Variants in NR4A1 observed in about 807,000 individuals in gnomAD.
NR4A1 encodes nuclear receptor subfamily 4 group A member 1, also known as nuclear receptor subfamily 4immunitygroup A member 1.
Under a neutral mutation model 47.5 loss-of-function variants are expected in NR4A1, and 24 were observed. The observed-to-expected ratio is 0.50, with a 90% CI of 0.37 to 0.71. The LOEUF (loss-of-function observed/expected upper bound fraction) is 0.71, where lower values mean the gene tolerates loss of function less well. Among genes scored for constraint, NR4A1 ranks in the 30% least tolerant of loss-of-function variants. The probability of loss-of-function intolerance (pLI) is 0.00; values close to 1 mark genes in which losing one functional copy is unlikely to be tolerated. For missense variants in NR4A1, 669 were observed against 788.6 expected (o/e 0.85, Z 1.82); for synonymous variants, 353 against 345.7 (o/e 1.02, Z -0.24).
At position 52,058,959 on chromosome 12, in the gene NR4A1, C is replaced by A. The variant is rs377130441; in HGVS notation, c.*15C>A. On this transcript the variant is annotated 3_prime_UTR_variant, in exon 7 of 7. Coordinates refer to ENST00000394825, the MANE Select transcript of NR4A1 (RefSeq NM_173157.3). Reference sequence around the variant, plus strand: ...TGCCCTTCTGACCCCTGCCTGGGAACACGTGTGCACATGCGCACTCTCATA... The same window carrying A: ...TGCCCTTCTGACCCCTGCCTGGGAAAACGTGTGCACATGCGCACTCTCATA... 6.9e-6 allele frequency: 11 copies of A among 1,602,318 alleles called. No individual in the cohort carries two copies. In the Admixed American group the frequency reaches 8.4e-5, roughly 12 times the overall value.
In NR4A1 at chr12:52,057,508, C is replaced by T. The variant is rs1357434310; in HGVS notation, c.1518C>T (p.Leu506=). 5 of 1,614,140 alleles carry T rather than the reference C, an allele frequency of 3.1e-6. No individual in the cohort carries two copies. Among genetic ancestry groups the T allele is most frequent in the Admixed American group, 1.7e-5 (1 of 60,026 alleles). ...TCGATGTCCCTGCCTTCGCCTGCCT[C>T]TCTGCCCTTGTCCTCATCACCGGTG... is the stretch of plus-strand genomic sequence containing the variant. ...LLVDVPAFAC[L]SALVLITDRH... Residue 506 remains leucine (L), a synonymous_variant, in exon 6 of 7, where the codon CTC becomes CTT. Coordinates refer to ENST00000394825, the MANE Select transcript of NR4A1 (RefSeq NM_173157.3).
chr12:52,056,311 C>G, intron 3 of NR4A1, 152 bp downstream of exon 3: 1 of 1,352,400 alleles, frequency 7.4e-7, no homozygotes, highest in East Asian at 2.4e-5. Flanking sequence ...AGGGAGGCAG[C>G]CTACACCTGC....
chr12:52,041,318 C>T (rs975074183), intron 1 of NR4A1, among the ~76,000 whole-genome samples: 2 of 152,036 alleles, frequency 1.3e-5, no homozygotes, highest in African/African-American at 4.8e-5. Flanking sequence ...AGCTAGGATT[C>T]GAACCCAGAC....
intron 1 of NR4A1, among the ~76,000 whole-genome samples, chr12:52,033,106 G>T (rs1050518115): frequency 2.6e-5 from 4 of 152,210 alleles, no homozygotes; most frequent in African/African-American, 9.7e-5. Context: ...GTGAGGTAAT[G>T]GAATCCTGGC....
chr12:52,028,202 CAAAAAAAAAAAA>C (rs34072500), intron 1 of NR4A1, among the ~76,000 whole-genome samples: 3 of 61,766 alleles, frequency 4.9e-5, no homozygotes, highest in African/African-American at 7.0e-5. Flanking sequence ...ACCCTGTCTC[CAAAAAAAAAAAA>C]AAAAAAAAAA....
upstream of NR4A1, among the ~76,000 whole-genome samples, chr12:52,046,789 C>T (rs912479836): frequency 3.9e-5 from 6 of 152,166 alleles, no homozygotes; most frequent in African/African-American, 1.4e-4. Context: ...CGAGACCATC[C>T]TGGCTAACAC....
chr12:52,027,509 G>A (rs771399733), intron 1 of NR4A1, among the ~76,000 whole-genome samples: 1 of 152,276 alleles, frequency 6.6e-6, no homozygotes, highest in Non-Finnish European at 1.5e-5. Context: ...GATGCTGGGA[G>A]CCAGGGCCTT....
intron 1 of NR4A1, chr12:52,052,643 G>C (rs1320653811): frequency 1.0e-6 from 1 of 985,580 alleles, no homozygotes; most frequent in Non-Finnish European, 1.2e-6. Flanking sequence ...TGTGAGGCTA[G>C]ATGTAGGTCC....
upstream of NR4A1, among the ~76,000 whole-genome samples, chr12:52,048,891 G>A (rs1030674728): frequency 2.6e-5 from 4 of 151,960 alleles, no homozygotes; most frequent in Admixed American, 6.6e-5. Flanking sequence ...AAAATCTTAC[G>A]GAAAAGCCTA....
At chr12:52,035,720 A>G (rs1222143577) in intron 1 of NR4A1, among the ~76,000 whole-genome samples, 1 of 152,198 alleles carries the variant, frequency 6.6e-6, no homozygotes, top group African/African-American at 2.4e-5. Context: ...AACTCTGCAG[A>G]GGTTCTTGGA....
intron 1 of NR4A1, among the ~76,000 whole-genome samples, chr12:52,026,922 C>T (rs1450293723): frequency 1.3e-5 from 2 of 152,140 alleles, no homozygotes; most frequent in African/African-American, 2.4e-5. Flanking sequence ...AGCACAGAGG[C>T]TGGGCAGGGC....
At chr12:52,052,835 A>T (rs1253055097) in intron 1 of NR4A1, among the ~76,000 whole-genome samples, 1 of 152,182 alleles carries the variant, frequency 6.6e-6, no homozygotes, top group African/African-American at 2.4e-5. Context: ...GTCCTAGTGC[A>T]GGCAGATGTG....
upstream of NR4A1, among the ~76,000 whole-genome samples, chr12:52,046,549 T>G (rs1938649478): frequency 6.6e-6 from 1 of 152,154 alleles, no homozygotes. Flanking sequence ...CTCTATCTGT[T>G]GATAGAACAA....
At chr12:52,045,961 G>A (rs1192746901) in intron 2 of NR4A1, among the ~76,000 whole-genome samples, 1 of 152,212 alleles carries the variant, frequency 6.6e-6, no homozygotes, top group Admixed American at 6.5e-5. Flanking sequence ...AAGAGGAAGT[G>A]GCCGGGTCAG....
Position 52,054,371 on chromosome 12 carries a change from C to T in NR4A1, c.43C>T (p.Pro15Ser). The T allele has an allele frequency of 6.2e-7, 1 of 1,613,586 alleles. No homozygotes were observed. The highest frequency in any genetic ancestry group is 1.7e-5 in the Admixed American group (1 of 59,990). Residue 15 changes from proline (P) to serine (S), a missense_variant, in exon 2 of 7, where the codon CCG becomes TCG. Transcript: ENST00000394825. Reference sequence around the variant, plus strand: ...CCAATATGGGACACCAGCACCGAGTCCGGGACCCCGTGACCACCTGGCAAG... The same window carrying T: ...CCAATATGGGACACCAGCACCGAGTTCGGGACCCCGTGACCACCTGGCAAG... ...QAQYGTPAPS[P>S]GPRDHLASDP... is the part of the protein sequence containing the mutation.
At chr12:52,027,574 G>A (rs1211536266) in intron 1 of NR4A1, among the ~76,000 whole-genome samples, 1 of 152,260 alleles carries the variant, frequency 6.6e-6, no homozygotes, top group African/African-American at 2.4e-5. Flanking sequence ...AGGGCTGAGA[G>A]CTCTGCTGCT....
At position 52,055,185 on chromosome 12, in the gene NR4A1, G is replaced by C. The variant is rs766542037; in HGVS notation, c.857G>C (p.Gly286Ala). Residue 286 changes from glycine to alanine, a missense_variant, in exon 2 of 7, where the codon GGC (glycine) becomes GCC (alanine). By Grantham distance (60) the Gly-to-Ala change is moderately conservative. Coordinates refer to ENST00000394825, the MANE Select transcript of NR4A1 (RefSeq NM_173157.3). ...CATTATGGTGTCCGCACATGTGAGG[G>C]CTGCAAGGGCTTCTTCAAGGTACCG... ...CQHYGVRTCE[G>A]CKGFFKRTVQ... 6.2e-7 allele frequency: 1 copy of C among 1,613,284 alleles called. No homozygotes were observed. Among genetic ancestry groups the C allele is most frequent in the Non-Finnish European group, 8.5e-7 (1 of 1,180,030 alleles).
At chr12:52,055,305 A>C (rs371033383) in intron 2 of NR4A1, 101 bp downstream of exon 2, 1 of 1,492,172 alleles carries the variant, frequency 6.7e-7, no homozygotes, top group South Asian at 1.2e-5. Context: ...CCTCCTAGCT[A>C]AGTCCTGTCC....
intron 1 of NR4A1, among the ~76,000 whole-genome samples, chr12:52,036,929 G>T (rs1282198095): frequency 6.6e-6 from 1 of 152,178 alleles, no homozygotes; most frequent in Non-Finnish European, 1.5e-5. Flanking sequence ...GCGAGACCTC[G>T]GCACCCTCAC....
Sources: gnomAD v4.1 joint callset for allele counts (sites outside exome capture counted in the v4.1 genomes callset) on GRCh38, gnomAD v4.1.1 for gene constraint, MANE v1.5 for transcripts, NCBI Gene and HGNC (gene_info 2026-07-23, HGNC 2026-07-21) for gene names.